AKAP6: variants seen among roughly 807,000 people sequenced by gnomAD.
AKAP6 encodes the protein A-kinase anchor protein 6.
In AKAP6, 58 loss-of-function variants were observed where a neutral mutation model predicts 188.5. The ratio of observed to expected loss-of-function variants is 0.31; its 90% CI spans 0.25 to 0.38. The LOEUF is 0.38. Ranked by LOEUF, AKAP6 falls within the 10% of genes least tolerant of loss-of-function variation. The pLI, the probability that AKAP6 is intolerant of heterozygous loss-of-function variation, is 1.00. For missense variants in AKAP6, 2,710 were observed against 2,740.0 expected (o/e 0.99, Z 0.24); for synonymous variants, 989 against 998.6 (o/e 0.99, Z 0.18).
intron 1 of AKAP6, among the ~76,000 whole-genome samples, chr14:32,337,118 G>A (rs1368103341): frequency 6.6e-6 from 1 of 152,142 alleles, no homozygotes; most frequent in African/African-American, 2.4e-5. Context: ...CCTATATGGA[G>A]AATCAACTAG....
chr14:32,445,383 C>T (rs1890722289), intron 2 of AKAP6, among the ~76,000 whole-genome samples: 2 of 151,724 alleles, frequency 1.3e-5, no homozygotes, highest in African/African-American at 4.8e-5. Context: ...GTTCTTTTCT[C>T]TTTTTTTGAG....
In AKAP6 at chr14:32,824,780, C is replaced by A. The variant is rs959440209; in HGVS notation, c.*7C>A. ...TAGAAATATGCATAGGTAGAATGTA[C>A]CCCCTCCCCAAGCATGAAAATCATC... On this transcript the variant is annotated 3_prime_UTR_variant, in exon 13 of 14. Transcript: ENST00000280979. 1 of 1,603,292 alleles carries A rather than the reference C, an allele frequency of 6.2e-7. No homozygotes were observed.
chr14:32,482,025 T>G (rs1951198), intron 2 of AKAP6, among the ~76,000 whole-genome samples: 1 of 151,964 alleles, frequency 6.6e-6, no homozygotes, highest in Non-Finnish European at 1.5e-5. Context: ...TCAAAGTTCC[T>G]TATGTGGGTG....
intron 7 of AKAP6, among the ~76,000 whole-genome samples, chr14:32,609,470 C>T (rs187023787): frequency 3.9e-4 from 60 of 152,162 alleles, no homozygotes; most frequent in African/African-American, 1.3e-3. Flanking sequence ...GAGGTCCCGC[C>T]GGGCAGAGCT....
intron 12 of AKAP6, among the ~76,000 whole-genome samples, chr14:32,792,868 G>A (rs1023915278): frequency 1.8e-4 from 27 of 152,098 alleles, no homozygotes; most frequent in African/African-American, 5.3e-4. Context: ...CTTCTATTGA[G>A]ATAATCATGT....
chr14:32,482,987 GTGTATATA>G (rs879669015), intron 2 of AKAP6, among the ~76,000 whole-genome samples: 4,327 of 75,396 alleles, frequency 0.057, 78 homozygotes, highest in East Asian at 0.086. Context: ...GTGTGTGTGT[GTGTATATA>G]TATATATATA....
At chr14:32,523,032 T>TGTAA (rs1881928239) in intron 2 of AKAP6, among the ~76,000 whole-genome samples, 1 of 152,140 alleles carries the variant, frequency 6.6e-6, no homozygotes, top group Non-Finnish European at 1.5e-5. Context: ...TGTAGGGACA[T>TGTAA]GGATGAAGCT....
At chr14:32,795,436 C>T (rs1326957771) in intron 12 of AKAP6, among the ~76,000 whole-genome samples, 2 of 152,162 alleles carry the variant, frequency 1.3e-5, no homozygotes, top group African/African-American at 4.8e-5. Flanking sequence ...AAAAGCTTAT[C>T]CACCACAATC....
At chr14:32,824,962 C>T (rs1463079533) in intron 13 of AKAP6, 147 bp downstream of exon 13, 12 of 501,990 alleles carry the variant, frequency 2.4e-5, no homozygotes, top group Non-Finnish European at 4.0e-5. Context: ...ATGCTCTCAA[C>T]AATGAAAGTA....
rs543007746 is a variant in AKAP6 at position 32,583,815 on chromosome 14, T to A, written c.2469+6573T>A. Among the ~76,000 whole-genome samples the A allele has an allele frequency of 3.3e-5, 5 of 152,294 alleles. No homozygotes were observed. In the East Asian group the frequency reaches 5.8e-4, roughly 18 times the overall value. ...TATAATCTCCCGGTGCGCCGTTTTT[T>A]AAGCCCGTCAGAAAAAGCGCATTAT... On this transcript the variant is annotated intron_variant, in intron 5 of 13. Transcript: ENST00000280979.
intron 2 of AKAP6, among the ~76,000 whole-genome samples, chr14:32,507,108 G>C (rs1363146882): frequency 6.6e-6 from 1 of 152,126 alleles, no homozygotes; most frequent in African/African-American, 2.4e-5. Context: ...CTTCTTTCCA[G>C]CTTAGTCAGT....
chr14:32,486,552 C>A (rs962878975), intron 2 of AKAP6, among the ~76,000 whole-genome samples: 5 of 152,100 alleles, frequency 3.3e-5, no homozygotes, highest in African/African-American at 4.8e-5. Context: ...AGTTTTATTT[C>A]TAGGTATTTT....
At chr14:32,444,976 T>A (rs1027309505) in intron 2 of AKAP6, among the ~76,000 whole-genome samples, 1 of 152,238 alleles carries the variant, frequency 6.6e-6, no homozygotes, top group South Asian at 2.1e-4. Flanking sequence ...CTACCTCTTA[T>A]GTATGTATCT....
intron 8 of AKAP6, among the ~76,000 whole-genome samples, chr14:32,679,930 G>A (rs1459912633): frequency 6.6e-6 from 1 of 152,192 alleles, no homozygotes; most frequent in Non-Finnish European, 1.5e-5. Flanking sequence ...GCCTTAATGT[G>A]CTTTAATTTC....
intron 1 of AKAP6, among the ~76,000 whole-genome samples, chr14:32,407,308 A>C (rs763130100): frequency 6.6e-6 from 1 of 152,210 alleles, no homozygotes; most frequent in Non-Finnish European, 1.5e-5. Context: ...AGTAACCCAA[A>C]GGACCTCCTG....
intron 2 of AKAP6, among the ~76,000 whole-genome samples, chr14:32,457,130 C>A (rs569345245): frequency 6.6e-6 from 1 of 152,202 alleles, no homozygotes; most frequent in South Asian, 2.1e-4. Context: ...TGGAAAAAAA[C>A]AAATCATTTC....
In AKAP6 at chr14:32,548,104, T is replaced by TC. The variant is rs1214274892; in HGVS notation, c.2346+1105_2346+1106insC. 1.8e-3 allele frequency among the ~76,000 whole-genome samples: 250 copies of TC among 142,242 alleles called. 1 individual carries two copies. Among genetic ancestry groups the TC allele is most frequent in the African/African-American group, 6.0e-3 (217 of 36,372 alleles). The allele number at this position is 142,242 out of a possible 152,430, so 93.3% of individuals were successfully genotyped here. On this transcript the variant is annotated intron_variant, in intron 4 of 13. Coordinates refer to ENST00000280979, the MANE Select transcript of AKAP6 (RefSeq NM_004274.5). ...CGCTCTCCCACATGCTTTTTTTTTT[T>TC]TTTTTTTTTTCCTCTGAGCAGAGTT...
Position 32,360,406 on chromosome 14 carries a change from C to T in AKAP6, c.-35+30998C>T, listed in dbSNP as rs748614742. On this transcript the variant is annotated intron_variant, in intron 1 of 13. Coordinates refer to ENST00000280979, the MANE Select transcript of AKAP6 (RefSeq NM_004274.5). ...CCTCTCAAAGTGCTGGGATTACAGG[C>T]GTGAGCCACCGCGCCTGGCCTATCC... is the stretch of plus-strand genomic sequence containing the variant. Among the ~76,000 whole-genome samples, 26 of 152,206 alleles carry T rather than the reference C, an allele frequency of 1.7e-4. 1 individual carries two copies. The highest frequency in any genetic ancestry group is 1.9e-4 in the East Asian group (1 of 5,164).
chr14:32,824,141 T>C lies in AKAP6; in HGVS notation c.6328T>C (p.Tyr2110His), dbSNP rs2034610977. The change falls in exon 13 of 14, where the codon TAT (tyrosine) becomes CAT (histidine). Residue 2110 changes from tyrosine (Y) to histidine (H), a missense_variant. This residue lies in a region of AKAP6 where 2,473 missense variants were observed against 2,426.1 expected (regional missense o/e 1.02). Transcript: ENST00000280979. Reference sequence around the variant, plus strand: ...CATCCAGCTGAGAAAAGGGGACTTTTATTCGTACTTATCTCTCTCATCTCA... The same window carrying C: ...CATCCAGCTGAGAAAAGGGGACTTTCATTCGTACTTATCTCTCTCATCTCA... ...RPIQLRKGDF[Y>H]SYLSLSSHDS... 6.2e-7 allele frequency: 1 copy of C among 1,613,868 alleles called. No homozygotes were observed. Among genetic ancestry groups the C allele is most frequent in the Non-Finnish European group, 8.5e-7 (1 of 1,179,938 alleles).
Sources: gnomAD v4.1 joint callset for allele counts (sites outside exome capture counted in the v4.1 genomes callset) on GRCh38, gnomAD v4.1.1 for gene constraint, gnomAD v4.1.1 regional missense constraint, MANE v1.5 for transcripts, NCBI Gene and HGNC (gene_info 2026-07-23, HGNC 2026-07-21) for gene names.